TBC1D7: variants seen among roughly 807,000 people sequenced by gnomAD.
The protein encoded by TBC1D7 is TBC1 domain family member 7.
A neutral mutation model predicts 35.3 loss-of-function variants in TBC1D7; 33 were observed. The observed-to-expected ratio is 0.93, with a 90% CI of 0.71 to 1.25. The LOEUF (loss-of-function observed/expected upper bound fraction) is 1.25. Ranked by LOEUF, TBC1D7 falls within the 50% of genes most tolerant of loss-of-function variation. The pLI is 0.00. For missense variants in TBC1D7, 362 were observed against 365.3 expected (o/e 0.99, Z 0.07); for synonymous variants, 135 against 129.5 (o/e 1.04, Z -0.29).
intron 5 of TBC1D7, among the ~76,000 whole-genome samples, chr6:13,316,014 A>G (rs527688439): frequency 2.6e-5 from 4 of 152,308 alleles, no homozygotes; most frequent in South Asian, 4.1e-4. Flanking sequence ...CCTAGAACAC[A>G]GACGTCATGG....
chr6:13,307,852 T>C lies in TBC1D7; in HGVS notation c.520-107A>G, dbSNP rs192510945. On this transcript the variant is annotated intron_variant, in intron 5 of 7. Transcript: ENST00000379300. ...GTACATGCTGAATTCAAGGAAGTATTAGAAAACAAAACTTCAGAATTATCC... is the reference window on the plus strand; with the variant it reads ...GTACATGCTGAATTCAAGGAAGTATCAGAAAACAAAACTTCAGAATTATCC... 2.5e-4 allele frequency: 305 copies of C among 1,202,380 alleles called. 2 individuals are homozygous for C. In the East Asian group the frequency reaches 4.7e-3, roughly 19 times the overall value. 74.5% of individuals were successfully genotyped at this position (1,202,380 alleles called of 1,614,324 possible). A position where few individuals can be genotyped will look rare whatever the true frequency, so the allele number is the denominator to read the frequency against.
chr6:13,308,122 C>T (rs1782937059), intron 5 of TBC1D7, among the ~76,000 whole-genome samples: 1 of 152,092 alleles, frequency 6.6e-6, no homozygotes, highest in Non-Finnish European at 1.5e-5. Context: ...ATATTACTGG[C>T]TGGTCTAGAG....
intron 5 of TBC1D7, 91 bp from the exon 6 acceptor site, chr6:13,307,836 G>T: frequency 6.0e-6 from 8 of 1,341,768 alleles, no homozygotes; most frequent in Non-Finnish European, 8.2e-6. Flanking sequence ...AGTACATGCT[G>T]AATTCAAGGA....
At chr6:13,322,665 C>G (rs1414121257) in intron 3 of TBC1D7, among the ~76,000 whole-genome samples, 1 of 152,118 alleles carries the variant, frequency 6.6e-6, no homozygotes, top group African/African-American at 2.4e-5. Context: ...TAACATGATA[C>G]CAGTTAATGT....
At chr6:13,323,248 G>A (rs913405240) in intron 3 of TBC1D7, among the ~76,000 whole-genome samples, 1 of 152,142 alleles carries the variant, frequency 6.6e-6, no homozygotes, top group African/African-American at 2.4e-5. Flanking sequence ...AGCTACTCGG[G>A]AGACTGAGGC....
chr6:13,313,387 G>A (rs1783371106), intron 5 of TBC1D7, among the ~76,000 whole-genome samples: 1 of 152,230 alleles, frequency 6.6e-6, no homozygotes, highest in African/African-American at 2.4e-5. Context: ...ATTGGCAATG[G>A]GGTGGAAAAT....
Position 13,308,246 on chromosome 6 carries a change from G to C in TBC1D7, c.520-501C>G, listed in dbSNP as rs1235727357. 3.3e-5 allele frequency among the ~76,000 whole-genome samples: 5 copies of C among 152,316 alleles called. No individual in the cohort carries two copies. In the East Asian group the frequency reaches 5.8e-4, roughly 18 times the overall value. ...AGGAAGAGTAAGACAAAAAGTGATG[G>C]TGATGAGAAGGGGCTGACCAGTCAC... On this transcript the variant is annotated intron_variant, in intron 5 of 7. Coordinates refer to ENST00000379300, the MANE Select transcript of TBC1D7 (RefSeq NM_016495.6).
At chr6:13,324,284 T>G (rs1288534713) in intron 3 of TBC1D7, among the ~76,000 whole-genome samples, 1 of 152,118 alleles carries the variant, frequency 6.6e-6, no homozygotes, top group Non-Finnish European at 1.5e-5. Flanking sequence ...CATGCCACCA[T>G]GCCCAGCTGA....
chr6:13,306,684 T>C, intron 6 of TBC1D7, 157 bp from the exon 7 acceptor site: 1 of 519,618 alleles, frequency 1.9e-6, no homozygotes, highest in Non-Finnish European at 3.2e-6. Context: ...AACAACAAAA[T>C]ACAGAAGCCA....
intron 5 of TBC1D7, among the ~76,000 whole-genome samples, chr6:13,310,434 T>C (rs965634526): frequency 6.6e-6 from 1 of 151,628 alleles, no homozygotes; most frequent in African/African-American, 2.4e-5. Context: ...GGTCAGGAGT[T>C]TGAGACCAGC....
intron 5 of TBC1D7, 118 bp downstream of exon 5, chr6:13,316,453 G>T: frequency 1.8e-6 from 2 of 1,107,152 alleles, no homozygotes; most frequent in Non-Finnish European, 2.6e-6. Context: ...CGCTTGCTGA[G>T]TTCTACTATA....
At chr6:13,315,303 G>T (rs1783526515) in intron 5 of TBC1D7, among the ~76,000 whole-genome samples, 1 of 152,174 alleles carries the variant, frequency 6.6e-6, no homozygotes, top group Non-Finnish European at 1.5e-5. Context: ...TAAAGACCTT[G>T]TGATGATCCA....
At chr6:13,314,204 C>CA (rs5874413) in intron 5 of TBC1D7, among the ~76,000 whole-genome samples, 134 of 108,948 alleles carry the variant, frequency 1.2e-3, no homozygotes, top group East Asian at 2.1e-3. Context: ...GACTCCATCT[C>CA]AAAAAAAAAA....
chr6:13,328,034 A>T (rs1784516083), intron 1 of TBC1D7: 3 of 152,358 alleles, frequency 2.0e-5, no homozygotes, highest in South Asian at 4.1e-4. Flanking sequence ...TGTCTTAAAA[A>T]TAAAAAAGTC....
chr6:13,325,988 G>A (rs895449413), intron 2 of TBC1D7, among the ~76,000 whole-genome samples: 22 of 152,120 alleles, frequency 1.4e-4, no homozygotes, highest in African/African-American at 4.3e-4. Context: ...AGCAAAGACC[G>A]CACAATTGAA....
chr6:13,311,950 T>TAA, intron 5 of TBC1D7, among the ~76,000 whole-genome samples: 1 of 150,980 alleles, frequency 6.6e-6, no homozygotes, highest in South Asian at 2.1e-4. Context: ...AATATAAATA[T>TAA]ATATAAAAAT....
chr6:13,311,186 T>A (rs369262293), intron 5 of TBC1D7, among the ~76,000 whole-genome samples: 1 of 152,170 alleles, frequency 6.6e-6, no homozygotes, highest in Non-Finnish European at 1.5e-5. Context: ...ACTGTGTCAA[T>A]AGCAATAAAA....
At chr6:13,316,736 G>A (rs746213041) in intron 4 of TBC1D7, 28 bp from the exon 5 acceptor site, 34 of 1,610,384 alleles carry the variant, frequency 2.1e-5, no homozygotes, top group Non-Finnish European at 2.7e-5. Flanking sequence ...AATCTCAAGA[G>A]GAAGGCAGTG....
intron 3 of TBC1D7, among the ~76,000 whole-genome samples, chr6:13,324,625 C>T (rs1666168421): frequency 6.6e-6 from 1 of 152,132 alleles, no homozygotes; most frequent in Admixed American, 6.5e-5. Flanking sequence ...CCACTCGCAC[C>T]ACTGGAATTT....
Sources: allele counts gnomAD v4.1 joint callset (sites outside exome capture counted in the v4.1 genomes callset), GRCh38; gene constraint gnomAD v4.1.1; transcripts MANE v1.5; gene names NCBI Gene and HGNC (gene_info 2026-07-23, HGNC 2026-07-21).